MAU2: variants seen among roughly 807,000 people sequenced by gnomAD.
The protein encoded by MAU2 is MAU2 sister chromatid cohesion factor.
In MAU2, 9 loss-of-function variants were observed where a neutral mutation model predicts 89.1. The observed-to-expected ratio is 0.10, with a 90% CI of 0.06 to 0.18. The LOEUF (loss-of-function observed/expected upper bound fraction) is 0.18, where lower values mean the gene tolerates loss of function less well. MAU2 is among the 10% of genes least tolerant of loss of function. The probability of loss-of-function intolerance (pLI) is 1.00; values close to 1 mark genes in which losing one functional copy is unlikely to be tolerated. For missense variants in MAU2, 425 were observed against 803.5 expected (o/e 0.53, Z 5.69); for synonymous variants, 357 against 343.4 (o/e 1.04, Z -0.44).
intron 5 of MAU2, among the ~76,000 whole-genome samples, chr19:19,340,336 A>G (rs1196386553): frequency 1.3e-5 from 2 of 150,784 alleles, no homozygotes; most frequent in African/African-American, 2.4e-5. Flanking sequence ...CTAAGAAAAA[A>G]ATAATAAAAA....
intron 4 of MAU2, among the ~76,000 whole-genome samples, chr19:19,338,447 C>T (rs1472296655): frequency 2.6e-5 from 4 of 152,234 alleles, no homozygotes; most frequent in Non-Finnish European, 4.4e-5. Flanking sequence ...TGACACTTGC[C>T]TCTGAGGGAG....
In MAU2 at chr19:19,348,948, T is replaced by C; in HGVS notation, c.1358+10T>C. On this transcript the variant is annotated intron_variant, in intron 14 of 18. Coordinates refer to ENST00000262815, the MANE Select transcript of MAU2 (RefSeq NM_015329.4). ...ACAGCTTCCCTGTCAGGTGAGCCGC[T>C]CCAGGCACCACTCCACGCACGGCCT... 1 of 1,613,072 alleles carries C rather than the reference T, an allele frequency of 6.2e-7. No homozygotes were observed. Among genetic ancestry groups the C allele is most frequent in the Non-Finnish European group, 8.5e-7 (1 of 1,179,644 alleles).
chr19:19,331,939 CAG>C (rs768715489), intron 1 of MAU2, among the ~76,000 whole-genome samples: 13 of 152,368 alleles, frequency 8.5e-5, no homozygotes, highest in South Asian at 4.1e-4. Flanking sequence ...CATTTAAAGA[CAG>C]GGAGAAATCC....
chr19:19,356,068 G>A lies in MAU2; in HGVS notation c.*286G>A. 3.4e-6 allele frequency: 2 copies of A among 588,626 alleles called. No homozygotes were observed. Among genetic ancestry groups the A allele is most frequent in the South Asian group, 1.5e-5 (1 of 65,674 alleles). The allele number at this position is 588,626 out of a possible 1,614,324, so 36.5% of individuals were successfully genotyped here. A position where few individuals can be genotyped will look rare whatever the true frequency, so the allele number is the denominator to read the frequency against. On this transcript the variant is annotated 3_prime_UTR_variant, in exon 19 of 19. Coordinates refer to ENST00000262815, the MANE Select transcript of MAU2 (RefSeq NM_015329.4). ...AGTGCCAGTCCTGCCTCAGCATCTG[G>A]GTCACGTCGGCCAGGAGTAGGGTGC...
chr19:19,355,451 G>A (rs2146715337), intron 18 of MAU2, 60 bp downstream of exon 18: 2 of 1,598,184 alleles, frequency 1.3e-6, no homozygotes, highest in Non-Finnish European at 1.7e-6. Flanking sequence ...CCTGCAAGAG[G>A]AAGGGGCACC....
Position 19,336,128 on chromosome 19 carries a change from C to G in MAU2, c.301C>G (p.Gln101Glu). The stretch of plus-strand genomic sequence containing the variant: ...CTTAACTGGACGTCACTAGATCCCG[C>G]AGTTCGAAGATGTTAAATTTGAAGC... The part of the protein sequence containing the change: ...KAWLISQQIP[Q>E]FEDVKFEAAS... The change falls in exon 3 of 19, where the codon CAG (glutamine) becomes GAG (glutamate). Residue 101 changes from glutamine to glutamate, a missense_variant. Around this residue, in one of 11 missense-constraint regions of MAU2, gnomAD observed 119 missense variants for 299.8 expected, o/e 0.40. Coordinates refer to ENST00000262815, the MANE Select transcript of MAU2 (RefSeq NM_015329.4). 1 of 1,612,688 alleles carries G rather than the reference C, an allele frequency of 6.2e-7. No individual in the cohort carries two copies. The highest frequency in any genetic ancestry group is 8.5e-7 in the Non-Finnish European group (1 of 1,178,806).
In MAU2 at chr19:19,341,302, C is replaced by G; in HGVS notation, c.630C>G (p.Leu210=). The change falls in exon 7 of 19, where the codon CTC becomes CTG. Residue 210 remains leucine, a synonymous_variant. Transcript: ENST00000262815. ...AGGAGGTGCACCCGCTGCTGACCCTCTGCGGGCAGATCGTGGAGAACTGGC... is the reference window on the plus strand; with the variant it reads ...AGGAGGTGCACCCGCTGCTGACCCTGTGCGGGCAGATCGTGGAGAACTGGC... ...KLQEVHPLLT[L]CGQIVENWQG... is the part of the protein sequence containing the mutation. The G allele has an allele frequency of 6.2e-7, 1 of 1,613,214 alleles. No individual in the cohort carries two copies. The highest frequency in any genetic ancestry group is 8.5e-7 in the Non-Finnish European group (1 of 1,180,004).
chr19:19,356,104 C>G lies in MAU2; in HGVS notation c.*322C>G. Reference sequence around the variant, plus strand: ...CCAGGAGTAGGGTGCAGGCCTCCAGCAGGTCCTAATCCTGTGTGCCAGGGC... The same window carrying G: ...CCAGGAGTAGGGTGCAGGCCTCCAGGAGGTCCTAATCCTGTGTGCCAGGGC... On this transcript the variant is annotated 3_prime_UTR_variant, in exon 19 of 19. Transcript: ENST00000262815. 1 of 527,840 alleles carries G rather than the reference C, an allele frequency of 1.9e-6. No homozygotes were observed. The highest frequency in any genetic ancestry group is 3.7e-6 in the Non-Finnish European group (1 of 272,904). 32.7% of individuals were successfully genotyped at this position (527,840 alleles called of 1,614,324 possible).
rs1316542920 is a variant in MAU2 at position 19,345,413 on chromosome 19, CT to C, written c.1221+45del. 3 of 1,592,952 alleles carry C rather than the reference CT, an allele frequency of 1.9e-6. No homozygotes were observed. The highest frequency in any genetic ancestry group is 2.6e-6 in the Non-Finnish European group (3 of 1,163,446). On this transcript the variant is annotated intron_variant, in intron 12 of 18. Coordinates refer to ENST00000262815, the MANE Select transcript of MAU2 (RefSeq NM_015329.4). This position sits in a 1 kb window ranked among gnomAD's most constrained non-coding sequence, Gnocchi z 4.9. ...TTGCTGCTCGGGGCGGGCCACACTT[CT>C]GAGTAAGGAGTCGGGCGTGGTCTGT... is the stretch of plus-strand genomic sequence containing the variant.
At chr19:19,321,192 TGACGGGTCGC>T in intron 1 of MAU2, 57 bp downstream of exon 1, 3 of 1,460,290 alleles carry the variant, frequency 2.1e-6, no homozygotes, top group Non-Finnish European at 2.7e-6. Context: ...AGATCTGGGC[TGACGGGTCGC>T]GACCGCGGCG....
chr19:19,342,964 C>T (rs999439302), intron 9 of MAU2, 98 bp downstream of exon 9: 3 of 1,295,378 alleles, frequency 2.3e-6, no homozygotes, highest in Non-Finnish European at 3.3e-6. Flanking sequence ...CCCTGTGTGA[C>T]CGCAGCGCCC....
intron 10 of MAU2, chr19:19,344,188 G>A: frequency 2.1e-6 from 1 of 468,204 alleles, no homozygotes; most frequent in South Asian, 2.2e-5. Flanking sequence ...GAGGCGGGTG[G>A]ATCACTTGAG....
chr19:19,340,192 G>A (rs995417439), intron 5 of MAU2, among the ~76,000 whole-genome samples: 11 of 148,560 alleles, frequency 7.4e-5, no homozygotes, highest in African/African-American at 2.7e-4. Context: ...AATTAACCAG[G>A]CATGGTGCCA....
In MAU2 at chr19:19,320,868, TCAGGCGGCGGCAGCGGCC is replaced by T. The variant is rs1214844931; in HGVS notation, c.21_38del (p.Ala9_Ala14del). The T allele has an allele frequency of 4.6e-6, 7 of 1,518,712 alleles. No homozygotes were observed. Among genetic ancestry groups the T allele is most frequent in the South Asian group, 1.3e-5 (1 of 78,390 alleles). The allele number at this position is 1,518,712 out of a possible 1,614,324, so 94.1% of individuals were successfully genotyped here. On this transcript the variant is annotated inframe_deletion, in exon 1 of 19. Coordinates refer to ENST00000262815, the MANE Select transcript of MAU2 (RefSeq NM_015329.4). ...TTGTTGTGGAGGCCAAAATGGCGGC[TCAGGCGGCGGCAGCGGCC>T]CAGGCGGCGGCGGCCCAGGCTGCGC...
At chr19:19,355,438 C>G (rs745485328) in intron 18 of MAU2, 47 bp downstream of exon 18, 106 of 1,604,084 alleles carry the variant, frequency 6.6e-5, no homozygotes, top group Non-Finnish European at 8.9e-5. Flanking sequence ...AGCGGGCTCC[C>G]CACCTGCAAG....
chr19:19,350,772 C>T (rs535967231), intron 16 of MAU2, among the ~76,000 whole-genome samples: 7 of 151,942 alleles, frequency 4.6e-5, no homozygotes, highest in South Asian at 2.1e-4. Flanking sequence ...TGGTGGCAGG[C>T]GCCTGTAGTC....
Position 19,343,804 on chromosome 19 carries a change from C to T in MAU2, c.974-33C>T, listed in dbSNP as rs776004552. The T allele has an allele frequency of 4.5e-6, 7 of 1,550,512 alleles. No homozygotes were observed. In the Admixed American group the frequency reaches 1.2e-4, roughly 26 times the overall value. ...TGGGGGTGGCGCCTCCTCTGGCCTCCCCTGCATGCTTACCCCTGACTCTCA... is the reference window on the plus strand; with the variant it reads ...TGGGGGTGGCGCCTCCTCTGGCCTCTCCTGCATGCTTACCCCTGACTCTCA... On this transcript the variant is annotated intron_variant, in intron 9 of 18. Transcript: ENST00000262815.
rs909992797 is a variant in MAU2 at position 19,327,486 on chromosome 19, C to T, written c.276+6351C>T. 5.3e-5 allele frequency among the ~76,000 whole-genome samples: 8 copies of T among 152,058 alleles called. No homozygotes were observed. In the East Asian group the frequency reaches 1.2e-3, roughly 22 times the overall value. ...AACTACAGGCGCCTGCCACCACGCC[C>T]GGCTAATTTTTTATATTTTTAGTAG... On this transcript the variant is annotated intron_variant, in intron 1 of 18. Transcript: ENST00000262815.
intron 1 of MAU2, among the ~76,000 whole-genome samples, chr19:19,325,350 A>C (rs1386441835): frequency 1.3e-5 from 2 of 150,398 alleles, no homozygotes; most frequent in East Asian, 3.9e-4. Flanking sequence ...TAATTTTTGT[A>C]TTTTTAGTAA....
Sources: gnomAD v4.1 joint callset for allele counts (sites outside exome capture counted in the v4.1 genomes callset) on GRCh38, gnomAD v4.1.1 for gene constraint, gnomAD v4.1.1 regional missense constraint, Gnocchi (gnomAD v3.1) non-coding constraint, MANE v1.5 for transcripts, NCBI Gene and HGNC (gene_info 2026-07-23, HGNC 2026-07-21) for gene names.